The following HIVEP1 variants were observed in gnomAD, a reference collection of about 807,000 sequenced individuals.
HIVEP1 encodes the protein HIVEP zinc finger 1.
In HIVEP1, 36 loss-of-function variants were observed where a neutral mutation model predicts 180.0. That is an observed-to-expected ratio of 0.20 (90% CI 0.15 to 0.26). The LOEUF (loss-of-function observed/expected upper bound fraction) is 0.26. HIVEP1 is among the 10% of genes least tolerant of loss of function. The pLI is 1.00. For missense variants in HIVEP1, 3,143 were observed against 3,268.7 expected (o/e 0.96, Z 0.94); for synonymous variants, 1,239 against 1,239.0 (o/e 1.00, Z 0.00).
intron 2 of HIVEP1, among the ~76,000 whole-genome samples, chr6:12,081,202 TTG>T (rs1772763923): frequency 6.6e-6 from 1 of 152,146 alleles, no homozygotes; most frequent in Non-Finnish European, 1.5e-5. Context: ...TTGCCAAGCT[TTG>T]TAAGAGTAGA....
intron 2 of HIVEP1, among the ~76,000 whole-genome samples, chr6:12,085,674 T>C (rs1046491604): frequency 9.9e-5 from 15 of 152,196 alleles, no homozygotes; most frequent in African/African-American, 3.6e-4. Context: ...CAACCTGTGA[T>C]GCATTAGAGC....
intron 2 of HIVEP1, among the ~76,000 whole-genome samples, chr6:12,055,066 A>G (rs1256567314): frequency 6.6e-6 from 1 of 152,254 alleles, no homozygotes; most frequent in Non-Finnish European, 1.5e-5. Flanking sequence ...AAAGTATAAT[A>G]CTAAGTAATT....
At position 12,053,241 on chromosome 6, in the gene HIVEP1, C is replaced by G. The variant is rs139542522; in HGVS notation, c.41-35943C>G. On this transcript the variant is annotated intron_variant, in intron 2 of 8. Transcript: ENST00000379388. ...ATGCTGTTCATGTGTGTGTGTGTGT[C>G]TGTGTGTGTGTAGGGATATTTTGTG... 9.9e-5 allele frequency among the ~76,000 whole-genome samples: 15 copies of G among 151,432 alleles called. No individual in the cohort carries two copies. The East Asian group carries it at 2.7e-3, about 27-fold the overall frequency.
chr6:12,168,071 AT>A (rs1760783549), downstream of HIVEP1, among the ~76,000 whole-genome samples: 1 of 59,074 alleles, frequency 1.7e-5, no homozygotes, highest in African/African-American at 5.4e-5. Flanking sequence ...ATACATATAT[AT>A]GTGTATATAT....
chr6:12,104,425 C>CTTTTTTTTTTTTTTTTT (rs70981665), intron 3 of HIVEP1, among the ~76,000 whole-genome samples: 9 of 72,790 alleles, frequency 1.2e-4, no homozygotes, highest in South Asian at 6.1e-4. Context: ...CTTTTCTTTC[C>CTTTTTTTTTTTTTTTTT]TTTTTTTTTT....
chr6:12,119,123 C>G (rs1775408392), intron 3 of HIVEP1, among the ~76,000 whole-genome samples: 1 of 152,168 alleles, frequency 6.6e-6, no homozygotes, highest in Admixed American at 6.5e-5. Flanking sequence ...AGATTAATGG[C>G]AAGGCAGCCA....
intron 2 of HIVEP1, among the ~76,000 whole-genome samples, chr6:12,070,409 C>T (rs114932554): frequency 0.026 from 3,935 of 152,070 alleles, 180 homozygotes; most frequent in African/African-American, 0.09. Flanking sequence ...ATTTTTCGGC[C>T]GGGTGCGGTG....
chr6:12,128,189 G>C (rs539911305), intron 4 of HIVEP1, among the ~76,000 whole-genome samples: 2 of 152,214 alleles, frequency 1.3e-5, no homozygotes, highest in Non-Finnish European at 2.9e-5. Flanking sequence ...TACTGTTAAA[G>C]GGATAAAGTC....
At chr6:12,143,990 A>G (rs1759212549) in intron 7 of HIVEP1, among the ~76,000 whole-genome samples, 1 of 152,226 alleles carries the variant, frequency 6.6e-6, no homozygotes, top group African/African-American at 2.4e-5. Flanking sequence ...ATCTCCATCA[A>G]GCTACCAATG....
rs768133998 is a variant in HIVEP1 at position 12,123,242 on chromosome 6, C to G, written c.3447C>G (p.Asp1149Glu). 6.8e-5 allele frequency: 110 copies of G among 1,614,058 alleles called. No homozygotes were observed. The highest frequency in any genetic ancestry group is 9.2e-5 in the Non-Finnish European group (109 of 1,180,046). ...CCCTGAGCAGGCCCAACTCATTTGACAAGCCTGAGCCTTTTGAAAGAGCCT... is the reference window on the plus strand; with the variant it reads ...CCCTGAGCAGGCCCAACTCATTTGAGAAGCCTGAGCCTTTTGAAAGAGCCT... ...TNSLSRPNSF[D>E]KPEPFERASP... Residue 1149 changes from aspartate to glutamate, a missense_variant, in exon 4 of 9, where the codon GAC becomes GAG. Around this residue, in one of 12 missense-constraint regions of HIVEP1, gnomAD observed 1,357 missense variants for 1,260.5 expected, o/e 1.08. Coordinates refer to ENST00000379388, the MANE Select transcript of HIVEP1 (RefSeq NM_002114.4).
chr6:12,158,083 T>C (rs1013570474), intron 7 of HIVEP1, among the ~76,000 whole-genome samples: 2 of 152,210 alleles, frequency 1.3e-5, no homozygotes, highest in African/African-American at 4.8e-5. Context: ...ATTTCTAACA[T>C]AGGTGTCATA....
At chr6:12,144,685 AC>A (rs1459659583) in intron 7 of HIVEP1, among the ~76,000 whole-genome samples, 1 of 152,228 alleles carries the variant, frequency 6.6e-6, no homozygotes, top group Non-Finnish European at 1.5e-5. Flanking sequence ...AAGAAAAAAA[AC>A]AACCCCATCC....
At chr6:12,154,157 C>G (rs190445422) in intron 7 of HIVEP1, among the ~76,000 whole-genome samples, 1 of 152,324 alleles carries the variant, frequency 6.6e-6, no homozygotes, top group Non-Finnish European at 1.5e-5. Context: ...CAGTCCAGCA[C>G]CACTGAATTT....
At chr6:12,073,378 AG>A (rs1187887058) in intron 2 of HIVEP1, among the ~76,000 whole-genome samples, 1 of 152,084 alleles carries the variant, frequency 6.6e-6, no homozygotes, top group Non-Finnish European at 1.5e-5. Context: ...CAAGGATTTG[AG>A]GGTTTGTTAT....
the HIVEP1 span, among the ~76,000 whole-genome samples, chr6:12,207,908 A>AAG: frequency 0.34 from 50,256 of 147,982 alleles, 10,615 homozygotes; most frequent in South Asian, 0.48. Context: ...TGTCTCAAAA[A>AAG]AAAAAAAAAA....
rs1757980803 is a variant in HIVEP1 at position 12,125,157 on chromosome 6, A to G, written c.5362A>G (p.Asn1788Asp). 1 of 1,613,856 alleles carries G rather than the reference A, an allele frequency of 6.2e-7. No homozygotes were observed. Among genetic ancestry groups the G allele is most frequent in the Non-Finnish European group, 8.5e-7 (1 of 1,179,954 alleles). The change falls in exon 4 of 9, where the codon AAT becomes GAT. Residue 1788 changes from asparagine to aspartate, a missense_variant. By Grantham distance (23) the Asn-to-Asp change is conservative. Coordinates refer to ENST00000379388, the MANE Select transcript of HIVEP1 (RefSeq NM_002114.4). The part of the protein sequence containing the change: ...RPLEALSSRV[N>D]EASKQKKPIL... ...TTTAGAGGCTTTGAGTTCGAGAGTT[A>G]ATGAAGCTAGTAAACAGAAGAAGCC...
intron 3 of HIVEP1, among the ~76,000 whole-genome samples, chr6:12,098,331 C>T (rs1773891729): frequency 6.6e-6 from 1 of 152,058 alleles, no homozygotes; most frequent in Non-Finnish European, 1.5e-5. Flanking sequence ...CTGTGAAAAA[C>T]AAAGAAATGA....
intron 3 of HIVEP1, among the ~76,000 whole-genome samples, chr6:12,104,199 A>AT (rs1774269569): frequency 6.6e-6 from 1 of 152,106 alleles, no homozygotes. Context: ...GAATCTGTAG[A>AT]TTCATGCATT....
the HIVEP1 span, among the ~76,000 whole-genome samples, chr6:12,208,301 C>T: frequency 6.6e-6 from 1 of 152,134 alleles, no homozygotes; most frequent in African/African-American, 2.4e-5. Flanking sequence ...ACTCATCACC[C>T]CAAACTCGCC....
Sources: allele counts gnomAD v4.1 joint callset (sites outside exome capture counted in the v4.1 genomes callset), GRCh38; gene constraint gnomAD v4.1.1; regional missense constraint gnomAD v4.1.1; transcripts MANE v1.5; gene names NCBI Gene and HGNC (gene_info 2026-07-23, HGNC 2026-07-21).